Variants in DIAPH3 observed in about 807,000 individuals in gnomAD.
DIAPH3 encodes protein diaphanous homolog 3.
A neutral mutation model predicts 144.3 loss-of-function variants in DIAPH3; 117 were observed. The ratio of observed to expected loss-of-function variants is 0.81; its 90% CI spans 0.70 to 0.95. DIAPH3 has a LOEUF of 0.95. DIAPH3 is among the 40% of genes least tolerant of loss of function. DIAPH3 has a pLI of 0.00. For missense variants in DIAPH3, 1,421 were observed against 1,412.7 expected (o/e 1.01, Z -0.09); for synonymous variants, 519 against 488.9 (o/e 1.06, Z -0.81).
chr13:59,819,333 A>G (rs751783765), intron 24 of DIAPH3, among the ~76,000 whole-genome samples: 3 of 151,870 alleles, frequency 2.0e-5, no homozygotes, highest in Non-Finnish European at 2.9e-5. Flanking sequence ...TTCAGGTTTC[A>G]ACTTCATTCT....
intron 24 of DIAPH3, among the ~76,000 whole-genome samples, chr13:59,815,218 A>C (rs2040703600): frequency 6.6e-6 from 1 of 152,190 alleles, no homozygotes; most frequent in Non-Finnish European, 1.5e-5. Flanking sequence ...GCTTCATTTT[A>C]TGGCTGTTTT....
intron 14 of DIAPH3, among the ~76,000 whole-genome samples, chr13:59,978,958 G>C (rs1422318196): frequency 4.6e-5 from 7 of 151,510 alleles, no homozygotes; most frequent in African/African-American, 1.7e-4. Context: ...TCAAATTTAT[G>C]CACCAAAATA....
intron 20 of DIAPH3, among the ~76,000 whole-genome samples, chr13:59,898,236 C>CA (rs2046240947): frequency 6.6e-6 from 1 of 151,712 alleles, no homozygotes; most frequent in African/African-American, 2.4e-5. Context: ...ATACACTACA[C>CA]ACATGCATGC....
chr13:59,730,814 T>G (rs1258863882), intron 27 of DIAPH3, among the ~76,000 whole-genome samples: 1 of 152,200 alleles, frequency 6.6e-6, no homozygotes, highest in East Asian at 1.9e-4. Flanking sequence ...GATGTTGAGA[T>G]GATCACATGA....
intron 24 of DIAPH3, among the ~76,000 whole-genome samples, chr13:59,823,797 G>A (rs538437660): frequency 6.6e-6 from 1 of 152,222 alleles, no homozygotes; most frequent in Non-Finnish European, 1.5e-5. Context: ...AATGAGTTTT[G>A]TTCTGGCTGT....
intron 19 of DIAPH3, 43 bp downstream of exon 19, chr13:59,916,112 T>C (rs2047205047): frequency 1.3e-6 from 2 of 1,517,818 alleles, no homozygotes; most frequent in Non-Finnish European, 9.1e-7. Flanking sequence ...AATGAGAAGC[T>C]TGCAATGAAA....
intron 17 of DIAPH3, among the ~76,000 whole-genome samples, chr13:59,951,523 T>C (rs1428712822): frequency 2.6e-5 from 4 of 152,130 alleles, no homozygotes; most frequent in Admixed American, 6.6e-5. Flanking sequence ...TCATGTAAAA[T>C]TGCAAGCTTC....
intron 18 of DIAPH3, among the ~76,000 whole-genome samples, chr13:59,921,611 G>A (rs2047523323): frequency 6.6e-6 from 1 of 151,852 alleles, no homozygotes; most frequent in Non-Finnish European, 1.5e-5. Context: ...CCAAAGAAAA[G>A]CTGAGGATCT....
At chr13:59,787,646 G>C (rs370666114) in intron 25 of DIAPH3, among the ~76,000 whole-genome samples, 1 of 152,074 alleles carries the variant, frequency 6.6e-6, no homozygotes, top group Non-Finnish European at 1.5e-5. Flanking sequence ...GCATTCCCTC[G>C]GTCTGATTTT....
At chr13:59,673,301 C>T (rs780542155) in intron 27 of DIAPH3, among the ~76,000 whole-genome samples, 1 of 152,158 alleles carries the variant, frequency 6.6e-6, no homozygotes, top group Non-Finnish European at 1.5e-5. Context: ...TCATCCATAC[C>T]TCTCTATTGA....
chr13:59,715,819 C>T (rs1452119114), intron 27 of DIAPH3, among the ~76,000 whole-genome samples: 1 of 152,096 alleles, frequency 6.6e-6, no homozygotes, highest in East Asian at 1.9e-4. Flanking sequence ...CTTCACTTGC[C>T]ACATTTATTG....
chr13:59,980,685 C>T (rs2050945490), intron 14 of DIAPH3, 110 bp downstream of exon 14: 3 of 1,009,600 alleles, frequency 3.0e-6, no homozygotes, highest in South Asian at 1.3e-5. Context: ...TATGCACACA[C>T]CTGAAGCAGA....
chr13:60,060,790 T>C (rs1170022210), intron 4 of DIAPH3, among the ~76,000 whole-genome samples: 1 of 151,976 alleles, frequency 6.6e-6, no homozygotes, highest in Non-Finnish European at 1.5e-5. Flanking sequence ...CCTAAGAAAA[T>C]TCACAAACAT....
In DIAPH3 at chr13:59,692,137, C is replaced by CT. The variant is rs56205887; in HGVS notation, c.3320-25292dup. 8.5e-3 allele frequency among the ~76,000 whole-genome samples: 495 copies of CT among 58,174 alleles called. 19 individuals carry two copies. Among genetic ancestry groups the CT allele is most frequent in the Middle Eastern group, 0.042 (3 of 72 alleles). 38.2% of individuals were successfully genotyped at this position (58,174 alleles called of 152,430 possible). ...AGATTACTCATAGCTTTGAGAAATT[C>CT]TTTTTTTTTTTTTTTTTTTTTTTTT... On this transcript the variant is annotated intron_variant, in intron 27 of 27. Coordinates refer to ENST00000400324, the MANE Select transcript of DIAPH3 (RefSeq NM_001042517.2).
At chr13:59,932,274 C>A (rs1229571001) in intron 17 of DIAPH3, among the ~76,000 whole-genome samples, 1 of 152,068 alleles carries the variant, frequency 6.6e-6, no homozygotes. Context: ...GTCAAAGACA[C>A]AAGTAACCGT....
chr13:60,129,736 A>AACTT (rs2059090923), intron 2 of DIAPH3, among the ~76,000 whole-genome samples: 1 of 152,238 alleles, frequency 6.6e-6, no homozygotes, highest in Non-Finnish European at 1.5e-5. Context: ...TAAGGGGGCA[A>AACTT]ACTTCAATCA....
chr13:60,059,259 A>C (rs374636887), intron 4 of DIAPH3, among the ~76,000 whole-genome samples: 77 of 151,978 alleles, frequency 5.1e-4, no homozygotes, highest in South Asian at 1.9e-3. Context: ...GAAACATTTG[A>C]GTTTATGGGC....
At position 59,882,921 on chromosome 13, in the gene DIAPH3, CCA is replaced by C. The variant is rs766402055; in HGVS notation, c.2368-3455_2368-3454del. On this transcript the variant is annotated intron_variant, in intron 20 of 27. Transcript: ENST00000400324. ...AGGGAGCAGTACTCCTGTAACCCCC[CCA>C]CACACAGATGTCATATGTCAGAATG... Among the ~76,000 whole-genome samples, 70 of 152,206 alleles carry C rather than the reference CCA, an allele frequency of 4.6e-4. 2 individuals are homozygous for C. The highest frequency in any genetic ancestry group is 2.6e-3 in the Admixed American group (39 of 15,274).
At chr13:60,054,085 AC>A in intron 4 of DIAPH3, among the ~76,000 whole-genome samples, 1 of 152,182 alleles carries the variant, frequency 6.6e-6, no homozygotes, top group East Asian at 1.9e-4. Context: ...ACTAAATGAT[AC>A]CTTATTTCTC....
Sources: gnomAD v4.1 joint callset for allele counts (sites outside exome capture counted in the v4.1 genomes callset) on GRCh38, gnomAD v4.1.1 for gene constraint, MANE v1.5 for transcripts, NCBI Gene and HGNC (gene_info 2026-07-23, HGNC 2026-07-21) for gene names.